The following PDE3B variants were observed in gnomAD, a reference collection of about 807,000 sequenced individuals.
PDE3B encodes the protein phosphodiesterase 3B, also known as cGMP-inhibited 3',5'-cyclic phosphodiesterase 3B.
Under a neutral mutation model 116.8 loss-of-function variants are expected in PDE3B, and 66 were observed. The observed-to-expected ratio is 0.56, with a 90% CI of 0.46 to 0.69. The LOEUF (loss-of-function observed/expected upper bound fraction) is 0.69. Among genes scored for constraint, PDE3B ranks in the 30% least tolerant of loss-of-function variants. The probability of loss-of-function intolerance (pLI) is 0.00; values close to 1 mark genes in which losing one functional copy is unlikely to be tolerated. For missense variants in PDE3B, 1,384 were observed against 1,368.1 expected (o/e 1.01, Z -0.18); for synonymous variants, 595 against 533.6 (o/e 1.12, Z -1.59).
intron 12 of PDE3B, among the ~76,000 whole-genome samples, chr11:14,849,137 A>G (rs1345909065): frequency 6.6e-6 from 1 of 152,158 alleles, no homozygotes; most frequent in African/African-American, 2.4e-5. Flanking sequence ...ACCAAAACAG[A>G]GATATAGATC....
chr11:14,886,712 A>T, the PDE3B span: 1 of 152,264 alleles, frequency 6.6e-6, no homozygotes, highest in Non-Finnish European at 1.5e-5. Flanking sequence ...GAATGTAAAG[A>T]TTGCTTATTG....
intron 2 of PDE3B, among the ~76,000 whole-genome samples, chr11:14,782,745 C>G (rs901635924): frequency 2.0e-5 from 3 of 152,072 alleles, no homozygotes; most frequent in Non-Finnish European, 4.4e-5. Flanking sequence ...GCAACAAAAG[C>G]CAAAGTTGAC....
At chr11:14,739,709 T>G (rs1247658415) in intron 1 of PDE3B, among the ~76,000 whole-genome samples, 1 of 152,254 alleles carries the variant, frequency 6.6e-6, no homozygotes, top group Non-Finnish European at 1.5e-5. Flanking sequence ...TTCCAGTTTT[T>G]GCCCATTCAG....
chr11:14,893,975 T>C, the PDE3B span, among the ~76,000 whole-genome samples: 260 of 152,290 alleles, frequency 1.7e-3, no homozygotes, highest in Non-Finnish European at 3.1e-3. Context: ...AGGCTTCATA[T>C]ACTAAGCAAA....
intron 1 of PDE3B, among the ~76,000 whole-genome samples, chr11:14,711,463 A>G (rs1258671495): frequency 1.3e-5 from 2 of 152,174 alleles, no homozygotes; most frequent in Non-Finnish European, 2.9e-5. Context: ...TGCAGGCTGT[A>G]CAGGAAGCAT....
At chr11:14,852,259 T>G (rs1272157062) in intron 12 of PDE3B, among the ~76,000 whole-genome samples, 1 of 152,218 alleles carries the variant, frequency 6.6e-6, no homozygotes, top group Non-Finnish European at 1.5e-5. Context: ...TTTCACCATG[T>G]TGACCAGGCT....
chr11:14,695,897 C>T (rs895119562), intron 1 of PDE3B, among the ~76,000 whole-genome samples: 3 of 152,126 alleles, frequency 2.0e-5, no homozygotes, highest in Non-Finnish European at 4.4e-5. Context: ...GCACCATTTT[C>T]TTTATCCAGT....
the PDE3B span, among the ~76,000 whole-genome samples, chr11:14,883,536 A>C: frequency 6.6e-6 from 1 of 151,574 alleles, no homozygotes; most frequent in Non-Finnish European, 1.5e-5. Context: ...AATTAATTCA[A>C]GATGGATTAA....
chr11:14,858,363 G>A (rs1847887361), intron 12 of PDE3B, among the ~76,000 whole-genome samples: 1 of 152,096 alleles, frequency 6.6e-6, no homozygotes, highest in African/African-American at 2.4e-5. Context: ...ATACTCCACT[G>A]ATTTTAAGTC....
intron 1 of PDE3B, among the ~76,000 whole-genome samples, chr11:14,700,300 T>C (rs113976853): frequency 2.6e-5 from 4 of 151,766 alleles, no homozygotes; most frequent in African/African-American, 9.7e-5. Flanking sequence ...AACAAAAGTC[T>C]AATATTTGGA....
At chr11:14,817,617 GGCC>G (rs1859375098) in intron 5 of PDE3B, among the ~76,000 whole-genome samples, 1 of 151,906 alleles carries the variant, frequency 6.6e-6, no homozygotes, top group Non-Finnish European at 1.5e-5. Flanking sequence ...TGGGCACGGT[GGCC>G]TGTGCCTGTA....
Position 14,830,745 on chromosome 11 carries a change from A to G in PDE3B, c.1855A>G (p.Thr619Ala). The change falls in exon 8 of 16, where the codon ACT (threonine) becomes GCT (alanine). Residue 619 changes from threonine to alanine, a missense_variant. Thr to Ala is a moderately conservative substitution (Grantham distance 58). Transcript: ENST00000282096. ...FSKESFKLMETQQEEETEKKD... is the reference protein window; with the variant it reads ...FSKESFKLMEAQQEEETEKKD... ...GAAAGAATCATTCAAACTTATGGAA[A>G]CTCAACAAGAAGAGGAAACAGAGAA... 1 of 1,507,818 alleles carries G rather than the reference A, an allele frequency of 6.6e-7. No individual in the cohort carries two copies. The highest frequency in any genetic ancestry group is 1.4e-5 in the South Asian group (1 of 73,558). 93.4% of individuals were successfully genotyped at this position (1,507,818 alleles called of 1,614,324 possible).
At chr11:14,736,335 G>A (rs1017601107) in intron 1 of PDE3B, among the ~76,000 whole-genome samples, 1 of 152,188 alleles carries the variant, frequency 6.6e-6, no homozygotes, top group African/African-American at 2.4e-5. Flanking sequence ...GAGTGTTTTG[G>A]GGGTTTTCTG....
chr11:14,827,108 T>C (rs1423978792), intron 7 of PDE3B, among the ~76,000 whole-genome samples: 3 of 152,128 alleles, frequency 2.0e-5, no homozygotes, highest in Non-Finnish European at 4.4e-5. Context: ...AGGCTTTTGA[T>C]AAAATTCAAC....
chr11:14,663,796 C>T (rs1222216315), intron 1 of PDE3B, among the ~76,000 whole-genome samples: 1 of 152,154 alleles, frequency 6.6e-6, no homozygotes, highest in Non-Finnish European at 1.5e-5. Context: ...TACAAAGAGA[C>T]TTAGACTCCC....
In PDE3B at chr11:14,831,797, CTTT is replaced by C. The variant is rs781471417; in HGVS notation, c.2094+23_2094+25del. The C allele has an allele frequency of 6.4e-7, 1 of 1,556,624 alleles. No individual in the cohort carries two copies. Among genetic ancestry groups the C allele is most frequent in the South Asian group, 1.2e-5 (1 of 85,128 alleles). On this transcript the variant is annotated intron_variant, in intron 9 of 15. Transcript: ENST00000282096. ...AGTCAGGTTTGCTTTCAAATATCTA[CTTT>C]TTAACTGTAAATTAATTTTTCTTAA...
chr11:14,746,505 C>T (rs547410732), intron 1 of PDE3B, among the ~76,000 whole-genome samples: 11 of 152,340 alleles, frequency 7.2e-5, no homozygotes, highest in African/African-American at 2.4e-4. Flanking sequence ...TTCACCCTCT[C>T]TCAACCCAAT....
At chr11:14,677,198 G>T (rs972198450) in intron 1 of PDE3B, among the ~76,000 whole-genome samples, 1 of 152,018 alleles carries the variant, frequency 6.6e-6, no homozygotes, top group African/African-American at 2.4e-5. Flanking sequence ...GGGTAAGATG[G>T]CACTTATCTT....
intron 7 of PDE3B, among the ~76,000 whole-genome samples, chr11:14,825,471 A>G (rs1197766714): frequency 6.6e-6 from 1 of 152,212 alleles, no homozygotes; most frequent in African/African-American, 2.4e-5. Context: ...GGAAATCAGG[A>G]AAAAGCAGAG....
Sources: allele counts gnomAD v4.1 joint callset (sites outside exome capture counted in the v4.1 genomes callset), GRCh38; gene constraint gnomAD v4.1.1; transcripts MANE v1.5; gene names NCBI Gene and HGNC (gene_info 2026-07-23, HGNC 2026-07-21).